CPEB3: variants seen among roughly 807,000 people sequenced by gnomAD.
CPEB3 encodes the protein cytoplasmic polyadenylation element-binding protein 3.
In CPEB3, 20 loss-of-function variants were observed where a neutral mutation model predicts 67.2. That is an observed-to-expected ratio of 0.30 (90% CI 0.21 to 0.43). The LOEUF is 0.43. CPEB3 is among the 20% of genes least tolerant of loss of function. The pLI, the probability that CPEB3 is intolerant of heterozygous loss-of-function variation, is 1.00. For synonymous variants in CPEB3, 376 were observed against 393.1 expected (o/e 0.96, Z 0.51); for missense variants, 746 against 968.6 (o/e 0.77, Z 3.05).
intron 5 of CPEB3, 100 bp downstream of exon 5, chr10:92,144,845 G>C: frequency 9.7e-7 from 1 of 1,034,162 alleles, no homozygotes; most frequent in Non-Finnish European, 1.5e-6. Flanking sequence ...TATGCACTAA[G>C]ATATAGATGT....
intron 9 of CPEB3, among the ~76,000 whole-genome samples, chr10:92,076,921 G>A (rs987878838): frequency 2.0e-5 from 3 of 151,768 alleles, no homozygotes; most frequent in African/African-American, 7.3e-5. Context: ...AGGGAGGAAG[G>A]AAATGACTGT....
intron 6 of CPEB3, among the ~76,000 whole-genome samples, chr10:92,139,997 C>T (rs1370517232): frequency 1.3e-5 from 2 of 149,108 alleles, no homozygotes; most frequent in Non-Finnish European, 3.0e-5. Context: ...TGCTTGAACC[C>T]GGGAGGTGGA....
At chr10:92,200,046 T>C (rs1849444142) in intron 2 of CPEB3, among the ~76,000 whole-genome samples, 1 of 152,218 alleles carries the variant, frequency 6.6e-6, no homozygotes, top group Non-Finnish European at 1.5e-5. Context: ...CCTAATTCTA[T>C]ATTCTCCTTC....
chr10:92,062,693 C>A (rs1392706713), intron 9 of CPEB3, among the ~76,000 whole-genome samples: 5 of 152,136 alleles, frequency 3.3e-5, no homozygotes, highest in Admixed American at 2.6e-4. Context: ...CTCTATTTTT[C>A]CCAACAAACA....
At chr10:92,120,358 G>A (rs1436591150) in intron 6 of CPEB3, among the ~76,000 whole-genome samples, 1 of 152,102 alleles carries the variant, frequency 6.6e-6, no homozygotes, top group Admixed American at 6.5e-5. Context: ...GCCGAGGAAG[G>A]AGGATCACGA....
chr10:92,234,869 G>A (rs1486943075), intron 2 of CPEB3, among the ~76,000 whole-genome samples: 5 of 152,110 alleles, frequency 3.3e-5, no homozygotes, highest in African/African-American at 9.7e-5. Flanking sequence ...AGTTTGCAGT[G>A]AGCCGAGATC....
At chr10:92,116,551 G>T (rs895774505) in intron 6 of CPEB3, among the ~76,000 whole-genome samples, 2 of 148,548 alleles carry the variant, frequency 1.3e-5, no homozygotes, top group African/African-American at 4.9e-5. Flanking sequence ...AGTTTGAAAG[G>T]TATTAAAAAA....
intron 1 of CPEB3, among the ~76,000 whole-genome samples, chr10:92,270,126 CAG>C (rs1402355817): frequency 6.6e-6 from 1 of 152,164 alleles, no homozygotes; most frequent in Admixed American, 6.5e-5. Context: ...AGTAGGGAAA[CAG>C]TACTGAGCAA....
In CPEB3 at chr10:92,186,474, A is replaced by G. The variant is rs1340145935; in HGVS notation, c.1166-5455T>C. ...TTTTTAGATGGAGTCTCGCTCTGTC[A>G]CCCAGGCTGGAGTGCAGTGGCACAA... On this transcript the variant is annotated intron_variant, in intron 3 of 9. Transcript: ENST00000265997. Among the ~76,000 whole-genome samples, 3 of 148,566 alleles carry G rather than the reference A, an allele frequency of 2.0e-5. No homozygotes were observed. In the East Asian group the frequency reaches 5.9e-4, roughly 29 times the overall value.
At chr10:92,143,172 A>C in intron 5 of CPEB3, 54 bp from the exon 6 acceptor site, 1 of 1,334,372 alleles carries the variant, frequency 7.5e-7, no homozygotes, top group Non-Finnish European at 1.1e-6. Context: ...TGCAATCAGA[A>C]AACCAGAAGA....
At chr10:92,290,187 C>G (rs1564937385) in intron 1 of CPEB3, among the ~76,000 whole-genome samples, 1 of 152,048 alleles carries the variant, frequency 6.6e-6, no homozygotes, top group African/African-American at 2.4e-5. Context: ...GGGAAAACTA[C>G]CAGCGTCCTA....
intron 3 of CPEB3, among the ~76,000 whole-genome samples, chr10:92,191,781 G>A (rs1848996767): frequency 6.6e-6 from 1 of 152,032 alleles, no homozygotes; most frequent in African/African-American, 2.4e-5. Context: ...AATATCTTAA[G>A]GTATCTAAAA....
chr10:92,134,678 G>A (rs187948985), intron 6 of CPEB3, among the ~76,000 whole-genome samples: 18 of 151,906 alleles, frequency 1.2e-4, no homozygotes, highest in Non-Finnish European at 2.4e-4. Context: ...AAGTTCATAT[G>A]GAAACAAAAA....
chr10:92,140,065 C>G (rs990131627), intron 6 of CPEB3, among the ~76,000 whole-genome samples: 4 of 124,258 alleles, frequency 3.2e-5, no homozygotes, highest in South Asian at 2.3e-4. Flanking sequence ...GAGTGAGACT[C>G]TGTCTCAAAA....
intron 8 of CPEB3, among the ~76,000 whole-genome samples, chr10:92,088,928 C>T (rs1843494321): frequency 6.6e-6 from 1 of 152,190 alleles, no homozygotes; most frequent in Non-Finnish European, 1.5e-5. Flanking sequence ...AGAATATAAT[C>T]TGGTCTCCAG....
At chr10:92,213,434 T>A (rs1850191282) in intron 2 of CPEB3, among the ~76,000 whole-genome samples, 1 of 152,244 alleles carries the variant, frequency 6.6e-6, no homozygotes, top group Non-Finnish European at 1.5e-5. Flanking sequence ...AATTTATAAA[T>A]AAGTTGTTCT....
intron 2 of CPEB3, among the ~76,000 whole-genome samples, chr10:92,202,195 A>G (rs892424716): frequency 2.6e-5 from 4 of 152,130 alleles, no homozygotes; most frequent in Non-Finnish European, 5.9e-5. Context: ...CACTTTGGAA[A>G]AACAGTTTGG....
chr10:92,128,006 C>T (rs1845680068), intron 6 of CPEB3, among the ~76,000 whole-genome samples: 1 of 152,144 alleles, frequency 6.6e-6, no homozygotes, highest in Admixed American at 6.5e-5. Flanking sequence ...TGACTTGAAA[C>T]TAAGCACAAC....
At chr10:92,271,644 T>C (rs1352561182) in intron 1 of CPEB3, among the ~76,000 whole-genome samples, 4 of 152,212 alleles carry the variant, frequency 2.6e-5, no homozygotes, top group African/African-American at 9.6e-5. Flanking sequence ...CAGAGCATCA[T>C]ATCAGAAGGA....
Sources: allele counts gnomAD v4.1 joint callset (sites outside exome capture counted in the v4.1 genomes callset), GRCh38; gene constraint gnomAD v4.1.1; transcripts MANE v1.5; gene names NCBI Gene and HGNC (gene_info 2026-07-23, HGNC 2026-07-21).